CADM2: variants seen among roughly 807,000 people sequenced by gnomAD.
CADM2 encodes immunoglobulin superfamily member 4D.
CADM2 carries 12 observed loss-of-function variants against 49.8 expected under a neutral mutation model. The ratio of observed to expected loss-of-function variants is 0.24; its 90% confidence interval spans 0.15 to 0.39. The LOEUF is 0.39. Ranked by LOEUF, CADM2 falls within the 10% of genes least tolerant of loss-of-function variation. The pLI is 1.00. For synonymous variants in CADM2, 214 were observed against 175.4 expected (o/e 1.22, Z -1.74); for missense variants, 378 against 492.3 (o/e 0.77, Z 2.20).
intron 1 of CADM2, among the ~76,000 whole-genome samples, chr3:85,144,648 A>C (rs114375956): frequency 0.021 from 2,592 of 124,550 alleles, 34 homozygotes; most frequent in South Asian, 0.034. Context: ...AAGAAAGAAC[A>C]AGATTTGTCA....
intron 1 of CADM2, among the ~76,000 whole-genome samples, chr3:85,331,515 A>G (rs531665889): frequency 1.3e-5 from 2 of 151,388 alleles, no homozygotes; most frequent in Non-Finnish European, 2.9e-5. Context: ...TATTGTCACT[A>G]AAAGTGACAA....
intron 1 of CADM2, among the ~76,000 whole-genome samples, chr3:85,003,807 G>T (rs1485804671): frequency 6.6e-6 from 1 of 152,088 alleles, no homozygotes; most frequent in Non-Finnish European, 1.5e-5. Context: ...CTGGAAAGGG[G>T]ATGGAAATTT....
intron 2 of CADM2, among the ~76,000 whole-genome samples, chr3:85,778,756 T>A (rs911567240): frequency 6.6e-6 from 1 of 152,208 alleles, no homozygotes; most frequent in Non-Finnish European, 1.5e-5. Flanking sequence ...CACCTCCTCC[T>A]GTTACTTTGC....
chr3:86,059,464 TA>T, intron 8 of CADM2, among the ~76,000 whole-genome samples: 1 of 152,358 alleles, frequency 6.6e-6, no homozygotes, highest in East Asian at 1.9e-4. Flanking sequence ...CAGAAAGCTT[TA>T]TGTTTACAAT....
chr3:85,023,256 G>T (rs1424166220), intron 1 of CADM2, among the ~76,000 whole-genome samples: 11 of 151,926 alleles, frequency 7.2e-5, no homozygotes. Flanking sequence ...CTGTTTGTTT[G>T]GACCTGCTTC....
chr3:86,055,682 G>A (rs62263324), intron 8 of CADM2, among the ~76,000 whole-genome samples: 2,509 of 151,946 alleles, frequency 0.017, 28 homozygotes, highest in South Asian at 0.027. Flanking sequence ...TAACTCTCAC[G>A]ACCTAATCAC....
intron 1 of CADM2, among the ~76,000 whole-genome samples, chr3:85,724,449 A>G (rs1370359292): frequency 6.6e-6 from 1 of 151,896 alleles, no homozygotes; most frequent in Non-Finnish European, 1.5e-5. Flanking sequence ...ATAAAGATGC[A>G]TGTTGCAAAA....
chr3:85,498,953 T>C (rs1399642909), intron 1 of CADM2, among the ~76,000 whole-genome samples: 1 of 152,154 alleles, frequency 6.6e-6, no homozygotes, highest in African/African-American at 2.4e-5. Flanking sequence ...AGAATTGACA[T>C]TTGCGTAATG....
intron 8 of CADM2, among the ~76,000 whole-genome samples, chr3:86,010,983 CAG>C (rs1285155513): frequency 1.3e-5 from 2 of 151,684 alleles, no homozygotes; most frequent in Non-Finnish European, 2.9e-5. Context: ...TATTAGAAAA[CAG>C]AAAAATTACA....
chr3:85,054,477 T>C (rs914763120), intron 1 of CADM2, among the ~76,000 whole-genome samples: 1 of 151,888 alleles, frequency 6.6e-6, no homozygotes, highest in African/African-American at 2.4e-5. Context: ...CAAGGGATAA[T>C]TAAGGGCTTT....
chr3:85,503,884 G>A (rs1327162322), intron 1 of CADM2, among the ~76,000 whole-genome samples: 2 of 152,182 alleles, frequency 1.3e-5, no homozygotes, highest in Non-Finnish European at 2.9e-5. Context: ...CTCTTAGAGT[G>A]CACTGTGTTA....
chr3:85,660,327 T>C (rs2065360555), intron 1 of CADM2, among the ~76,000 whole-genome samples: 1 of 152,042 alleles, frequency 6.6e-6, no homozygotes, highest in Non-Finnish European at 1.5e-5. Context: ...AAGTGTTGGT[T>C]TGCTGGATTT....
At chr3:85,850,943 C>A (rs1425417143) in intron 3 of CADM2, among the ~76,000 whole-genome samples, 1 of 152,066 alleles carries the variant, frequency 6.6e-6, no homozygotes. Context: ...CACACTGTAG[C>A]AATGGGAGGG....
At chr3:85,574,241 C>T (rs577280737) in intron 1 of CADM2, among the ~76,000 whole-genome samples, 25 of 152,328 alleles carry the variant, frequency 1.6e-4, no homozygotes, top group African/African-American at 5.8e-4. Context: ...TGCTCTCACT[C>T]CATGGCTAAT....
chr3:85,373,494 C>G (rs2033400105), intron 1 of CADM2, among the ~76,000 whole-genome samples: 1 of 152,116 alleles, frequency 6.6e-6, no homozygotes, highest in Non-Finnish European at 1.5e-5. Context: ...GAACACAGTG[C>G]AAGCTTTGGG....
intron 1 of CADM2, among the ~76,000 whole-genome samples, chr3:85,250,332 A>G (rs1191872935): frequency 6.6e-6 from 1 of 151,698 alleles, no homozygotes; most frequent in Non-Finnish European, 1.5e-5. Context: ...TACACTTAAA[A>G]TATACGACTT....
chr3:85,070,412 C>T (rs972468291), intron 1 of CADM2, among the ~76,000 whole-genome samples: 18 of 152,120 alleles, frequency 1.2e-4, no homozygotes, highest in African/African-American at 4.3e-4. Flanking sequence ...GATTCCTCTC[C>T]TCTAGATTGC....
intron 1 of CADM2, among the ~76,000 whole-genome samples, chr3:85,393,352 G>C (rs1414066182): frequency 6.6e-6 from 1 of 152,068 alleles, no homozygotes; most frequent in Non-Finnish European, 1.5e-5. Flanking sequence ...TGGAAGTGAT[G>C]GTGGTACAAA....
At chr3:85,450,615 C>T (rs2037709359) in intron 1 of CADM2, among the ~76,000 whole-genome samples, 1 of 151,820 alleles carries the variant, frequency 6.6e-6, no homozygotes, top group Admixed American at 6.6e-5. Context: ...AATATATTTT[C>T]ATAAATTTTT....
Sources: gnomAD v4.1 joint callset for allele counts (sites outside exome capture counted in the v4.1 genomes callset) on GRCh38, gnomAD v4.1.1 for gene constraint, MANE v1.5 for transcripts, NCBI Gene and HGNC (gene_info 2026-07-23, HGNC 2026-07-21) for gene names.